MAP3K7: variants seen among roughly 807,000 people sequenced by gnomAD.
MAP3K7 encodes the protein TGF-beta activated kinase 1.
Under a neutral mutation model 84.8 loss-of-function variants are expected in MAP3K7, and 21 were observed. The ratio of observed to expected loss-of-function variants is 0.25; its 90% confidence interval spans 0.18 to 0.36. The LOEUF (loss-of-function observed/expected upper bound fraction) is 0.36, where lower values mean the gene tolerates loss of function less well. Ranked by LOEUF, MAP3K7 falls within the 10% of genes least tolerant of loss-of-function variation. MAP3K7 has a pLI of 1.00. For missense variants in MAP3K7, 503 were observed against 747.7 expected (o/e 0.67, Z 3.82); for synonymous variants, 241 against 247.7 (o/e 0.97, Z 0.25).
At chr6:90,544,981 A>C (rs1373918633) in intron 11 of MAP3K7, among the ~76,000 whole-genome samples, 1 of 152,110 alleles carries the variant, frequency 6.6e-6, no homozygotes, top group Non-Finnish European at 1.5e-5. Context: ...TGGGGGAACG[A>C]AGGAGGAGAG....
intron 13 of MAP3K7, among the ~76,000 whole-genome samples, chr6:90,525,968 C>G (rs559710128): frequency 6.6e-5 from 10 of 152,168 alleles, no homozygotes; most frequent in African/African-American, 2.4e-4. Context: ...CCTTGAGTAG[C>G]CTCCTGAGTA....
chr6:90,553,517 C>T lies in MAP3K7; in HGVS notation c.677G>A (p.Arg226Gln), dbSNP rs1776244364. The T allele has an allele frequency of 3.1e-6, 5 of 1,613,866 alleles. No homozygotes were observed. Among genetic ancestry groups the T allele is most frequent in the Non-Finnish European group, 2.5e-6 (3 of 1,179,932 alleles). ...GCCACCAATCTCATCAAAGGGTTTC[C>T]GACGCGTTATCACTTCCCAAAGAAT... is the stretch of plus-strand genomic sequence containing the variant. ...GIILWEVITR[R>Q]KPFDEIGGPA... is the part of the protein sequence containing the mutation. Residue 226 changes from arginine to glutamine, a missense_variant, in exon 7 of 17, where the codon CGG becomes CAG. By Grantham distance (43) the Arg-to-Gln change is conservative. Coordinates refer to ENST00000369329, the MANE Select transcript of MAP3K7 (RefSeq NM_145331.3).
In MAP3K7 at chr6:90,562,643, G is replaced by C. The variant is rs555569678; in HGVS notation, c.298-976C>G. ...GCCCGCCTCTGTAGACTCCACCTCT[G>C]GGGGCAGGGCATAGCTGAACAAAAG... is the stretch of plus-strand genomic sequence containing the variant. On this transcript the variant is annotated intron_variant, in intron 3 of 16. Coordinates refer to ENST00000369329, the MANE Select transcript of MAP3K7 (RefSeq NM_145331.3). Among the ~76,000 whole-genome samples, 5 of 152,302 alleles carry C rather than the reference G, an allele frequency of 3.3e-5. No homozygotes were observed. In the East Asian group the frequency reaches 7.7e-4, roughly 24 times the overall value.
At chr6:90,533,907 T>C (rs1188516368) in intron 13 of MAP3K7, among the ~76,000 whole-genome samples, 3 of 152,158 alleles carry the variant, frequency 2.0e-5, no homozygotes, top group African/African-American at 7.2e-5. Flanking sequence ...CTATTGAGTG[T>C]TTAAAAAGCT....
rs772708153 is a variant in MAP3K7, at chr6:90,544,581, A to G, written c.1262T>C (p.Ile421Thr). 1 of 1,612,526 alleles carries G rather than the reference A, an allele frequency of 6.2e-7. No individual in the cohort carries two copies. The highest frequency in any genetic ancestry group is 8.5e-7 in the Non-Finnish European group (1 of 1,178,900). The change falls in exon 12 of 17, where the codon ATT (isoleucine) becomes ACT (threonine). Residue 421 changes from isoleucine (I) to threonine (T), a missense_variant. Physicochemically the swap from Ile to Thr is moderately conservative, Grantham distance 89. Coordinates refer to ENST00000369329, the MANE Select transcript of MAP3K7 (RefSeq NM_145331.3). ...GHRKTASFGNILDVPEIVISG... is the reference protein window; with the variant it reads ...GHRKTASFGNTLDVPEIVISG... ...TATGACGATCTCAGGGACATCCAGAATGTTGCCAAATGAAGCAGTTTTACG... is the reference window on the plus strand; with the variant it reads ...TATGACGATCTCAGGGACATCCAGAGTGTTGCCAAATGAAGCAGTTTTACG...
intron 9 of MAP3K7, 111 bp downstream of exon 9, chr6:90,550,357 A>G (rs1371090753): frequency 6.2e-6 from 4 of 646,814 alleles, no homozygotes; most frequent in African/African-American, 3.7e-5. Flanking sequence ...ATATGAAATG[A>G]AGGAATTAAA....
chr6:90,544,605 C>T lies in MAP3K7; in HGVS notation c.1238G>A (p.Arg413His), dbSNP rs776824877. 30 of 1,612,420 alleles carry T rather than the reference C, an allele frequency of 1.9e-5. No homozygotes were observed. In the Middle Eastern group the frequency reaches 5.0e-4, roughly 27 times the overall value. ...AATGTTGCCAAATGAAGCAGTTTTA[C>T]GGTGGCCCCGTTTAGGCTTGGAATA... Reference protein sequence around the residue: ...TAYSKPKRGHRKTASFGNILD... With the variant: ...TAYSKPKRGHHKTASFGNILD... The change falls in exon 12 of 17, where the codon CGT becomes CAT. Residue 413 changes from arginine (R) to histidine (H), a missense_variant. By Grantham distance (29) the Arg-to-His change is conservative. This residue lies in a region of MAP3K7 where 286 missense variants were observed against 313.6 expected (regional missense o/e 0.91). Coordinates refer to ENST00000369329, the MANE Select transcript of MAP3K7 (RefSeq NM_145331.3).
intron 10 of MAP3K7, 120 bp downstream of exon 10, chr6:90,547,927 T>C (rs1776055947): frequency 1.3e-6 from 1 of 783,116 alleles, no homozygotes; most frequent in Non-Finnish European, 1.9e-6. Flanking sequence ...CTCTTTTGCA[T>C]GTTTCAGGAA....
intron 12 of MAP3K7, among the ~76,000 whole-genome samples, chr6:90,537,510 T>G (rs980180698): frequency 3.9e-5 from 6 of 152,030 alleles, no homozygotes; most frequent in Non-Finnish European, 7.4e-5. Flanking sequence ...GGAATAAGAA[T>G]GTTTAATAGA....
At chr6:90,567,152 G>A (rs1247801573) in intron 3 of MAP3K7, among the ~76,000 whole-genome samples, 1 of 152,148 alleles carries the variant, frequency 6.6e-6, no homozygotes, top group Non-Finnish European at 1.5e-5. Flanking sequence ...CATAGGCATG[G>A]GCAAGGACTT....
intron 15 of MAP3K7, 64 bp from the exon 16 acceptor site, chr6:90,518,626 A>G (rs1775047835): frequency 1.2e-6 from 1 of 819,796 alleles, no homozygotes; most frequent in Non-Finnish European, 2.1e-6. Flanking sequence ...CTAAGATGAG[A>G]GTCAAGACAG....
intron 13 of MAP3K7, among the ~76,000 whole-genome samples, chr6:90,535,553 CTTCA>C (rs1004030464): frequency 3.9e-5 from 6 of 152,032 alleles, no homozygotes; most frequent in Admixed American, 3.9e-4. Flanking sequence ...TATAATTAAT[CTTCA>C]TTCATTTTAC....
At chr6:90,555,396 C>T (rs180978323) in intron 6 of MAP3K7, among the ~76,000 whole-genome samples, 74 of 152,124 alleles carry the variant, frequency 4.9e-4, no homozygotes, top group East Asian at 3.1e-3. Context: ...GCTGGGACTA[C>T]GGGCGCCCGC....
intron 7 of MAP3K7, 105 bp from the exon 8 acceptor site, chr6:90,552,284 T>C (rs192720463): frequency 1.9e-6 from 2 of 1,051,650 alleles, no homozygotes; most frequent in Non-Finnish European, 2.7e-6. Flanking sequence ...ATAGATCTTG[T>C]AGTTTAAGAT....
chr6:90,536,241 T>A lies in MAP3K7; in HGVS notation c.1356+96A>T, dbSNP rs1370064197. 4.3e-6 allele frequency: 4 copies of A among 931,262 alleles called. No homozygotes were observed. The Admixed American group carries it at 6.2e-5, about 15-fold the overall frequency. The allele number at this position is 931,262 out of a possible 1,614,324, so 57.7% of individuals were successfully genotyped here. A position where few individuals can be genotyped will look rare whatever the true frequency, so the allele number is the denominator to read the frequency against. On this transcript the variant is annotated intron_variant, in intron 13 of 16. Coordinates refer to ENST00000369329, the MANE Select transcript of MAP3K7 (RefSeq NM_145331.3). Reference sequence around the variant, plus strand: ...TGAATTTCTCTATCACAACTTTAGGTCAACTCATAAAACTAATTTTGCAGA... The same window carrying A: ...TGAATTTCTCTATCACAACTTTAGGACAACTCATAAAACTAATTTTGCAGA...
At chr6:90,574,544 T>C (rs1195240456) in intron 1 of MAP3K7, among the ~76,000 whole-genome samples, 1 of 152,208 alleles carries the variant, frequency 6.6e-6, no homozygotes. Context: ...TACTATTAAA[T>C]ACGAAATGAT....
At chr6:90,535,569 G>A (rs1475685257) in intron 13 of MAP3K7, among the ~76,000 whole-genome samples, 1 of 151,848 alleles carries the variant, frequency 6.6e-6, no homozygotes, top group African/African-American at 2.4e-5. Context: ...TCATTTTACA[G>A]AATATAGTAT....
At chr6:90,544,260 T>A (rs1167181116) in intron 12 of MAP3K7, among the ~76,000 whole-genome samples, 1 of 152,112 alleles carries the variant, frequency 6.6e-6, no homozygotes, top group African/African-American at 2.4e-5. Context: ...GTTTAGCTCA[T>A]GTGCTCACTT....
In MAP3K7 at chr6:90,586,917, G is replaced by A. The variant is rs760847614; in HGVS notation, c.-34C>T. The A allele has an allele frequency of 6.3e-7, 1 of 1,586,002 alleles. No individual in the cohort carries two copies. The highest frequency in any genetic ancestry group is 8.5e-7 in the Non-Finnish European group (1 of 1,170,770). On this transcript the variant is annotated 5_prime_UTR_variant, in exon 1 of 17. Transcript: ENST00000369329. ...GCGGCGCCCGGTGGGGCCGGGAACG[G>A]TGCCACCCGGACAATCCGGGTGAGA...
Sources: gnomAD v4.1 joint callset for allele counts (sites outside exome capture counted in the v4.1 genomes callset) on GRCh38, gnomAD v4.1.1 for gene constraint, gnomAD v4.1.1 regional missense constraint, MANE v1.5 for transcripts, NCBI Gene and HGNC (gene_info 2026-07-23, HGNC 2026-07-21) for gene names.